CFAP61: variants seen among roughly 807,000 people sequenced by gnomAD.
The protein encoded by CFAP61 is cilia and flagella associated protein 61, also known as cilia- and flagella-associated protein 61.
CFAP61 carries 107 observed loss-of-function variants against 135.6 expected under a neutral mutation model. That is an observed-to-expected ratio of 0.79 (90% CI 0.67 to 0.93). CFAP61 has a LOEUF of 0.93. CFAP61 is among the 40% of genes least tolerant of loss of function. The pLI is 0.00. For synonymous variants in CFAP61, 575 were observed against 578.5 expected, an observed-to-expected ratio of 0.99 and a Z score of 0.09; for missense variants, 1,507 against 1,556.2, an observed-to-expected ratio of 0.97 and a Z score of 0.53.
chr20:20,211,388 A>C (rs761099706), intron 17 of CFAP61, among the ~76,000 whole-genome samples: 1 of 152,224 alleles, frequency 6.6e-6, no homozygotes. Flanking sequence ...TTAAGTATCA[A>C]AACTTTTAGT....
intron 2 of CFAP61, among the ~76,000 whole-genome samples, chr20:20,062,197 G>A (rs1461466796): frequency 6.6e-6 from 1 of 152,082 alleles, no homozygotes; most frequent in Admixed American, 6.6e-5. Context: ...GCCCCTTTGG[G>A]CCACCCTCAC....
At chr20:20,348,918 A>G (rs2058736109) in intron 26 of CFAP61, among the ~76,000 whole-genome samples, 1 of 152,124 alleles carries the variant, frequency 6.6e-6, no homozygotes, top group Non-Finnish European at 1.5e-5. Context: ...CTGAATTCTT[A>G]TCCCTGAGAT....
At chr20:20,067,258 C>G (rs968524047) in intron 2 of CFAP61, among the ~76,000 whole-genome samples, 4 of 151,938 alleles carry the variant, frequency 2.6e-5, no homozygotes, top group Non-Finnish European at 5.9e-5. Context: ...TGGCTTATTA[C>G]AAAGAACAGT....
chr20:20,302,642 AC>A, intron 25 of CFAP61, among the ~76,000 whole-genome samples: 1 of 152,326 alleles, frequency 6.6e-6, no homozygotes, highest in South Asian at 2.1e-4. Flanking sequence ...AGCCTGGGCG[AC>A]AGAGTGAGAC....
At chr20:20,174,018 T>C (rs1313996062) in intron 13 of CFAP61, among the ~76,000 whole-genome samples, 1 of 152,228 alleles carries the variant, frequency 6.6e-6, no homozygotes, top group Non-Finnish European at 1.5e-5. Flanking sequence ...TCCACACTTG[T>C]CTGGGAATTA....
intron 24 of CFAP61, among the ~76,000 whole-genome samples, chr20:20,295,140 C>G (rs747848941): frequency 6.6e-6 from 1 of 152,096 alleles, no homozygotes; most frequent in Non-Finnish European, 1.5e-5. Context: ...AAGTCACCAC[C>G]AACTAAGTGA....
At chr20:20,125,060 G>T (rs1240406627) in intron 8 of CFAP61, among the ~76,000 whole-genome samples, 1 of 151,672 alleles carries the variant, frequency 6.6e-6, no homozygotes, top group Non-Finnish European at 1.5e-5. Flanking sequence ...GGTGTCAGCT[G>T]TAATATCTCC....
chr20:20,265,676 T>G, intron 21 of CFAP61: 1 of 586,434 alleles, frequency 1.7e-6, no homozygotes, highest in Non-Finnish European at 3.0e-6. Flanking sequence ...ACCTCTCAGG[T>G]AGGTGCTCTT....
At chr20:20,335,120 G>T (rs991550184) in intron 25 of CFAP61, among the ~76,000 whole-genome samples, 3 of 152,206 alleles carry the variant, frequency 2.0e-5, no homozygotes, top group Non-Finnish European at 2.9e-5. Context: ...GTAGGACTCT[G>T]AGGATACAGG....
intron 6 of CFAP61, among the ~76,000 whole-genome samples, chr20:20,077,869 G>A (rs576760973): frequency 2.0e-5 from 3 of 152,332 alleles, no homozygotes; most frequent in Non-Finnish European, 4.4e-5. Flanking sequence ...GCAGGCTTCA[G>A]AGAGAATAGA....
chr20:20,145,617 T>G (rs937907492), intron 9 of CFAP61, among the ~76,000 whole-genome samples: 4 of 152,198 alleles, frequency 2.6e-5, no homozygotes, highest in Non-Finnish European at 4.4e-5. Context: ...CAAAATTCAG[T>G]TATATGTAGA....
chr20:20,147,638 C>T (rs1223895324), intron 9 of CFAP61, among the ~76,000 whole-genome samples: 4 of 152,114 alleles, frequency 2.6e-5, no homozygotes, highest in Non-Finnish European at 4.4e-5. Flanking sequence ...ATTCTGGATA[C>T]TAGTCCTTTG....
chr20:20,204,112 A>G (rs1157721688), intron 17 of CFAP61, among the ~76,000 whole-genome samples: 4 of 152,038 alleles, frequency 2.6e-5, no homozygotes, highest in Non-Finnish European at 5.9e-5. Context: ...TCAGCTCTTC[A>G]TCTTGGTTTA....
intron 8 of CFAP61, among the ~76,000 whole-genome samples, chr20:20,109,869 T>C (rs1006807368): frequency 6.6e-6 from 1 of 152,162 alleles, no homozygotes; most frequent in South Asian, 2.1e-4. Flanking sequence ...TGAATGTGTT[T>C]TGTTCTTCCT....
intron 21 of CFAP61, among the ~76,000 whole-genome samples, chr20:20,269,833 C>A (rs1206135643): frequency 6.6e-6 from 1 of 152,152 alleles, no homozygotes; most frequent in East Asian, 1.9e-4. Context: ...AAGTGTACTG[C>A]AGTGCTATGA....
rs545675855 is a variant in CFAP61 at position 20,289,071 on chromosome 20, G to C, written c.3124+135G>C. 201 of 614,550 alleles carry C rather than the reference G, an allele frequency of 3.3e-4. No individual in the cohort carries two copies. In the East Asian group the frequency reaches 5.4e-3, roughly 17 times the overall value. 38.1% of individuals were successfully genotyped at this position (614,550 alleles called of 1,614,324 possible). On this transcript the variant is annotated intron_variant, in intron 23 of 26. Transcript: ENST00000245957. ...ACCTCAATGGGTTGCCACAGAGACA[G>C]AGAAAGGGTCTATAATTTCTGAAGC...
intron 17 of CFAP61, chr20:20,200,922 T>A: frequency 4.1e-6 from 4 of 985,410 alleles, no homozygotes; most frequent in Non-Finnish European, 3.6e-6. Flanking sequence ...GGCACCTCCA[T>A]CAGACCAACT....
chr20:20,342,507 A>G (rs893561001), intron 26 of CFAP61, among the ~76,000 whole-genome samples: 1 of 152,248 alleles, frequency 6.6e-6, no homozygotes, highest in Admixed American at 6.5e-5. Flanking sequence ...TTTCAATATG[A>G]GAATCTCTAG....
In CFAP61 at chr20:20,070,169, T is replaced by C. The variant is rs1255925751; in HGVS notation, c.144-685T>C. Among the ~76,000 whole-genome samples the C allele has an allele frequency of 3.9e-5, 6 of 152,222 alleles. No individual in the cohort carries two copies. The East Asian group carries it at 9.6e-4, about 24-fold the overall frequency. ...ACCAGAATAAGACTGGAAAGCCTGC[T>C]TCTCCTCTCTTCGCTTTATTAACTC... On this transcript the variant is annotated intron_variant, in intron 2 of 26. Coordinates refer to ENST00000245957, the MANE Select transcript of CFAP61 (RefSeq NM_015585.4).
Sources: gnomAD v4.1 joint callset for allele counts (sites outside exome capture counted in the v4.1 genomes callset) on GRCh38, gnomAD v4.1.1 for gene constraint, MANE v1.5 for transcripts, NCBI Gene and HGNC (gene_info 2026-07-23, HGNC 2026-07-21) for gene names.